The following LUZP2 variants were observed in gnomAD, a reference collection of about 807,000 sequenced individuals.
LUZP2 encodes the protein leucine zipper protein 2.
LUZP2 carries 52 observed loss-of-function variants against 51.6 expected under a neutral mutation model. The observed-to-expected ratio is 1.01, with a 90% CI of 0.81 to 1.27. LUZP2 has a LOEUF of 1.27. Among genes scored for constraint, LUZP2 ranks in the 50% most tolerant of loss-of-function variants. LUZP2 has a pLI of 0.00. For missense variants in LUZP2, 436 were observed against 395.4 expected (o/e 1.10, Z -0.87); for synonymous variants, 154 against 137.3 (o/e 1.12, Z -0.85).
chr11:24,786,717 T>TATAAATAGGTATATTATGTATTTATAG (rs1206448813), intron 5 of LUZP2: 1 of 148,980 alleles, frequency 6.7e-6, no homozygotes, highest in Non-Finnish European at 1.5e-5. Flanking sequence ...TGTATTTATA[T>TATAAATAGGTATATTATGTATTTATAG]ATATATATGT....
chr11:24,581,667 TCTAAA>T (rs1852860222), intron 1 of LUZP2, among the ~76,000 whole-genome samples: 1 of 140,042 alleles, frequency 7.1e-6, no homozygotes, highest in East Asian at 1.9e-4. Flanking sequence ...TGAGACTCTG[TCTAAA>T]ATATAAATAT....
intron 5 of LUZP2, among the ~76,000 whole-genome samples, chr11:24,812,041 T>C (rs1446661567): frequency 6.6e-6 from 1 of 152,204 alleles, no homozygotes; most frequent in African/African-American, 2.4e-5. Context: ...GATTGAAGAA[T>C]TATTTCATCG....
intron 7 of LUZP2, among the ~76,000 whole-genome samples, chr11:24,939,710 C>T (rs1854691162): frequency 6.6e-6 from 1 of 152,012 alleles, no homozygotes; most frequent in Admixed American, 6.6e-5. Flanking sequence ...TATATGGAGA[C>T]AGGCAAGATA....
intron 10 of LUZP2, among the ~76,000 whole-genome samples, chr11:25,066,291 G>C (rs12361667): frequency 2.0e-5 from 3 of 151,548 alleles, no homozygotes; most frequent in Non-Finnish European, 4.4e-5. Flanking sequence ...GGAAAGGGGA[G>C]GCATGAGAGT....
At chr11:24,552,690 G>T (rs755064584) in intron 1 of LUZP2, among the ~76,000 whole-genome samples, 1 of 151,702 alleles carries the variant, frequency 6.6e-6, no homozygotes, top group Non-Finnish European at 1.5e-5. Flanking sequence ...ATAATAAACC[G>T]CTCTCAATGG....
At chr11:24,686,687 G>A (rs570817970) in intron 1 of LUZP2, among the ~76,000 whole-genome samples, 5 of 152,118 alleles carry the variant, frequency 3.3e-5, no homozygotes, top group East Asian at 1.9e-4. Context: ...TCATGCTTGC[G>A]TCTATTTCTG....
At position 24,917,420 on chromosome 11, in the gene LUZP2, C is replaced by A. The variant is rs940894113; in HGVS notation, c.522+2882C>A. On this transcript the variant is annotated intron_variant, in intron 7 of 11. Transcript: ENST00000336930. ...ATGAAGTCCTTGCCCATGCCTATGT[C>A]CTGAATGGTATTGCCTAGGTTTTCT... Among the ~76,000 whole-genome samples the A allele has an allele frequency of 3.1e-4, 47 of 152,194 alleles. 1 individual carries two copies. The highest frequency in any genetic ancestry group is 1.0e-3 in the South Asian group (5 of 4,812).
intron 1 of LUZP2, among the ~76,000 whole-genome samples, chr11:24,720,737 C>T (rs1361766743): frequency 1.3e-5 from 2 of 152,170 alleles, no homozygotes; most frequent in African/African-American, 4.8e-5. Flanking sequence ...GAGTCCCTGT[C>T]GCCCAGGCTG....
intron 7 of LUZP2, among the ~76,000 whole-genome samples, chr11:24,957,585 G>A (rs1455254625): frequency 2.0e-5 from 3 of 152,066 alleles, no homozygotes; most frequent in African/African-American, 7.2e-5. Flanking sequence ...ATATAAGTGA[G>A]AACGTGTGGT....
intron 1 of LUZP2, among the ~76,000 whole-genome samples, chr11:24,573,310 A>C (rs1852500921): frequency 6.6e-6 from 1 of 152,050 alleles, no homozygotes; most frequent in South Asian, 2.1e-4. Flanking sequence ...ATATTAACTC[A>C]GAGCTTGTAC....
At chr11:25,041,134 A>G (rs1362812760) in intron 9 of LUZP2, among the ~76,000 whole-genome samples, 1 of 152,094 alleles carries the variant, frequency 6.6e-6, no homozygotes, top group African/African-American at 2.4e-5. Context: ...GTGGCACAGA[A>G]CAGTAGCTTT....
In LUZP2 at chr11:24,979,070, A is replaced by G. The variant is rs1284388038; in HGVS notation, c.597+2405A>G. On this transcript the variant is annotated intron_variant, in intron 8 of 11. Transcript: ENST00000336930. Reference sequence around the variant, plus strand: ...AAATTCCTCAAAATCTTTATGTCTCACTGGAAATAACAATAAACTTTATTT... The same window carrying G: ...AAATTCCTCAAAATCTTTATGTCTCGCTGGAAATAACAATAAACTTTATTT... 4.0e-5 allele frequency among the ~76,000 whole-genome samples: 6 copies of G among 151,764 alleles called. 1 individual carries two copies. Among genetic ancestry groups the G allele is most frequent in the African/African-American group, 1.4e-4 (6 of 41,384 alleles).
intron 5 of LUZP2, among the ~76,000 whole-genome samples, chr11:24,857,126 A>T (rs7932519): frequency 0.16 from 24,761 of 151,850 alleles, 2,278 homozygotes; most frequent in African/African-American, 0.24. Flanking sequence ...CAGATTCCCA[A>T]TTTGAAACCA....
At chr11:24,707,884 A>T (rs918591594) in intron 1 of LUZP2, among the ~76,000 whole-genome samples, 1 of 152,178 alleles carries the variant, frequency 6.6e-6, no homozygotes, top group Non-Finnish European at 1.5e-5. Flanking sequence ...TGATGAGTAC[A>T]AACTTGGACA....
intron 1 of LUZP2, among the ~76,000 whole-genome samples, chr11:24,624,504 A>G (rs1854611008): frequency 6.6e-6 from 1 of 152,178 alleles, no homozygotes; most frequent in Non-Finnish European, 1.5e-5. Context: ...ATAAAGTCAT[A>G]TATATAAGAA....
chr11:24,532,205 T>C (rs1851026562), intron 1 of LUZP2, among the ~76,000 whole-genome samples: 1 of 151,020 alleles, frequency 6.6e-6, no homozygotes, highest in Non-Finnish European at 1.5e-5. Flanking sequence ...AGACATACTA[T>C]GATTCTATTC....
intron 9 of LUZP2, among the ~76,000 whole-genome samples, chr11:25,016,750 T>C (rs749180074): frequency 4.6e-5 from 7 of 152,176 alleles, no homozygotes; most frequent in Non-Finnish European, 1.0e-4. Context: ...TGCATGTGTC[T>C]TTTTCATATG....
intron 1 of LUZP2, among the ~76,000 whole-genome samples, chr11:24,644,529 T>C (rs937521779): frequency 7.2e-5 from 11 of 151,818 alleles, no homozygotes; most frequent in African/African-American, 2.7e-4. Context: ...GTAGCTAGAA[T>C]AGATGCCTAA....
intron 10 of LUZP2, among the ~76,000 whole-genome samples, chr11:25,061,534 G>T (rs1322451998): frequency 6.6e-6 from 1 of 152,112 alleles, no homozygotes; most frequent in Non-Finnish European, 1.5e-5. Context: ...GCATAGTGAA[G>T]CAGTTGAATT....
Sources: allele counts gnomAD v4.1 joint callset (sites outside exome capture counted in the v4.1 genomes callset), GRCh38; gene constraint gnomAD v4.1.1; transcripts MANE v1.5; gene names NCBI Gene and HGNC (gene_info 2026-07-23, HGNC 2026-07-21).